Variants in AFDN observed in about 807,000 individuals in gnomAD.
AFDN encodes afadin, adherens junction formation factor.
Under a neutral mutation model 216.6 loss-of-function variants are expected in AFDN, and 68 were observed. The ratio of observed to expected loss-of-function variants is 0.31; its 90% CI spans 0.26 to 0.38. The LOEUF (loss-of-function observed/expected upper bound fraction) is 0.38, where lower values mean the gene tolerates loss of function less well. AFDN is among the 10% of genes least tolerant of loss of function. The probability of loss-of-function intolerance (pLI) is 1.00; values close to 1 mark genes in which losing one functional copy is unlikely to be tolerated. For synonymous variants in AFDN, 868 were observed against 853.7 expected, an observed-to-expected ratio of 1.02 and a Z score of -0.29; for missense variants, 2,136 against 2,342.0, an observed-to-expected ratio of 0.91 and a Z score of 1.82.
chr6:167,936,700 A>G (rs964329945), intron 23 of AFDN, among the ~76,000 whole-genome samples: 2 of 152,166 alleles, frequency 1.3e-5, no homozygotes, highest in African/African-American at 4.8e-5. Context: ...TCTGACCAGC[A>G]GCAGAGGCAG....
rs1194770371 is a variant in AFDN at position 167,965,918 on chromosome 6, C to G, written c.5130C>G (p.Ala1710=). Residue 1710 remains alanine, a synonymous_variant, in exon 32 of 34, where the codon GCC becomes GCG. Transcript: ENST00000683244. ...CGTCCCCGTCCCCCGCGCCCGGCGC[C>G]CCTCCTCCCCCGCCTCAGCGAAACG... ...EPPSPSPAPG[A]PPPPPQRNAS... 1.9e-6 allele frequency: 3 copies of G among 1,550,098 alleles called. No individual in the cohort carries two copies. In the Admixed American group the frequency reaches 5.9e-5, roughly 30 times the overall value.
At chr6:167,927,783 A>T (rs1005249966) in intron 23 of AFDN, among the ~76,000 whole-genome samples, 1 of 152,170 alleles carries the variant, frequency 6.6e-6, no homozygotes, top group African/African-American at 2.4e-5. Context: ...CTCACAGGCC[A>T]TGTTTCCAGG....
At chr6:167,956,822 G>A (rs934223269) in intron 30 of AFDN, among the ~76,000 whole-genome samples, 2 of 152,176 alleles carry the variant, frequency 1.3e-5, no homozygotes, top group African/African-American at 2.4e-5. Context: ...CTGTGCCCCC[G>A]TGACCAGAGC....
At chr6:167,947,017 T>C (rs1795346101) in intron 27 of AFDN, 116 bp downstream of exon 27, 2 of 890,160 alleles carry the variant, frequency 2.2e-6, no homozygotes, top group South Asian at 3.3e-5. Context: ...ATTGGCTAAC[T>C]AGGATATGGT....
At chr6:167,948,256 T>TA in intron 28 of AFDN, 37 bp from the exon 29 acceptor site, 1 of 1,564,774 alleles carries the variant, frequency 6.4e-7, no homozygotes. Context: ...TGTATGGTTG[T>TA]AAAAAGCTCA....
chr6:167,964,266 G>C (rs1475196412), intron 31 of AFDN: 1 of 1,063,916 alleles, frequency 9.4e-7, no homozygotes, highest in Non-Finnish European at 1.1e-6. Flanking sequence ...CCATTCATTT[G>C]TTGGGTAGAA....
At chr6:167,913,509 A>G in intron 16 of AFDN, 86 bp downstream of exon 16, 1 of 1,273,414 alleles carries the variant, frequency 7.9e-7, no homozygotes, top group Non-Finnish European at 1.1e-6. Context: ...GTAATACAAC[A>G]GCTGGACTGA....
At chr6:167,929,806 A>G (rs995798703) in intron 23 of AFDN, among the ~76,000 whole-genome samples, 2 of 152,110 alleles carry the variant, frequency 1.3e-5, no homozygotes, top group African/African-American at 2.4e-5. Context: ...GATGATGTTC[A>G]CTTTGTTCTT....
At chr6:167,922,991 T>A in intron 22 of AFDN, 32 bp downstream of exon 22, 1 of 1,417,080 alleles carries the variant, frequency 7.1e-7, no homozygotes, top group Non-Finnish European at 1.0e-6. Flanking sequence ...TGAAGTGAAA[T>A]GGATCCTTAG....
chr6:167,842,425 C>T (rs1343333554), intron 1 of AFDN, among the ~76,000 whole-genome samples: 1 of 152,070 alleles, frequency 6.6e-6, no homozygotes, highest in Non-Finnish European at 1.5e-5. Flanking sequence ...ACTATGGGGC[C>T]ACAATCCTGA....
chr6:167,839,941 C>T (rs185088049), intron 1 of AFDN, among the ~76,000 whole-genome samples: 98 of 152,188 alleles, frequency 6.4e-4, no homozygotes, highest in Middle Eastern at 6.8e-3. Flanking sequence ...CCTCTTTGTA[C>T]CCATTGTGTG....
At chr6:167,878,916 T>A (rs922347618) in intron 5 of AFDN, among the ~76,000 whole-genome samples, 11 of 152,196 alleles carry the variant, frequency 7.2e-5, no homozygotes, top group African/African-American at 2.4e-4. Flanking sequence ...TGTTTATTCT[T>A]CAGAGAGTTC....
intron 9 of AFDN, among the ~76,000 whole-genome samples, chr6:167,895,146 C>G (rs1310186840): frequency 1.3e-5 from 2 of 150,880 alleles, no homozygotes; most frequent in Non-Finnish European, 2.9e-5. Context: ...AACCTAGCCA[C>G]CAGGGAGCTC....
In AFDN at chr6:167,951,679, G is replaced by A. The variant is rs1053318121; in HGVS notation, c.4325G>A (p.Arg1442Lys). Residue 1442 changes from arginine (R) to lysine (K), a missense_variant, in exon 30 of 34, where the codon AGA becomes AAA. Around this residue, in one of 8 missense-constraint regions of AFDN, gnomAD observed 981 missense variants for 966.0 expected, o/e 1.02. Transcript: ENST00000683244. The surrounding 1 kb of genome is among the most constrained non-coding windows in gnomAD (Gnocchi z 7.1). Reference sequence around the variant, plus strand: ...GAGGAGGAGCGGGAGAGGAAGCGGAGAGAGCAGGAGAGGAAGTTGGGCCAG... The same window carrying A: ...GAGGAGGAGCGGGAGAGGAAGCGGAAAGAGCAGGAGAGGAAGTTGGGCCAG... ...RLEEERERKR[R>K]EQERKLGQMR... is the part of the protein sequence containing the mutation. 2 of 1,613,822 alleles carry A rather than the reference G, an allele frequency of 1.2e-6. No homozygotes were observed. Among genetic ancestry groups the A allele is most frequent in the Admixed American group, 1.7e-5 (1 of 59,992 alleles).
intron 4 of AFDN, among the ~76,000 whole-genome samples, chr6:167,873,632 C>T (rs991131040): frequency 3.9e-5 from 6 of 152,130 alleles, no homozygotes; most frequent in African/African-American, 1.2e-4. Flanking sequence ...CAGACAGCCC[C>T]GTACTGTCAT....
chr6:167,898,619 G>A, intron 11 of AFDN, 152 bp downstream of exon 11: 5 of 909,104 alleles, frequency 5.5e-6, no homozygotes, highest in African/African-American at 1.7e-5. Flanking sequence ...GTTAACTTGG[G>A]TTGGTTTTAG....
In AFDN at chr6:167,887,852, T is replaced by C. The variant is rs113938481; in HGVS notation, c.898-1363T>C. On this transcript the variant is annotated intron_variant, in intron 6 of 33. Coordinates refer to ENST00000683244, the MANE Select transcript of AFDN (RefSeq NM_001386888.1). ...TAATAAATTTTCTCCTTGTTAGATATTATCCTGGGATAAGAAGAAGCTGCC... is the reference window on the plus strand; with the variant it reads ...TAATAAATTTTCTCCTTGTTAGATACTATCCTGGGATAAGAAGAAGCTGCC... 4.0e-3 allele frequency among the ~76,000 whole-genome samples: 604 copies of C among 152,346 alleles called. 5 individuals carry two copies. Among genetic ancestry groups the C allele is most frequent in the African/African-American group, 0.014 (574 of 41,588 alleles).
chr6:167,932,073 G>A (rs1034748310), intron 23 of AFDN, among the ~76,000 whole-genome samples: 1 of 152,186 alleles, frequency 6.6e-6, no homozygotes, highest in African/African-American at 2.4e-5. Flanking sequence ...TTGTATTCTT[G>A]TTAGTCTCAT....
intron 23 of AFDN, among the ~76,000 whole-genome samples, chr6:167,936,673 G>A (rs1292927849): frequency 4.6e-5 from 7 of 152,032 alleles, no homozygotes; most frequent in African/African-American, 1.7e-4. Context: ...CTCGACAGAC[G>A]ACAGTTTGCT....
Sources: allele counts gnomAD v4.1 joint callset (sites outside exome capture counted in the v4.1 genomes callset), GRCh38; gene constraint gnomAD v4.1.1; regional missense constraint gnomAD v4.1.1; non-coding constraint Gnocchi (gnomAD v3.1); transcripts MANE v1.5; gene names NCBI Gene and HGNC (gene_info 2026-07-23, HGNC 2026-07-21).